Variants in BACH2 observed in about 807,000 individuals in gnomAD.
BACH2 encodes the protein BACH transcriptional regulator 2, also known as transcription regulator protein BACH2.
Under a neutral mutation model 61.8 loss-of-function variants are expected in BACH2, and 5 were observed. The ratio of observed to expected loss-of-function variants is 0.08; its 90% CI spans 0.04 to 0.17. BACH2 has a LOEUF of 0.17. Ranked by LOEUF, BACH2 falls within the 10% of genes least tolerant of loss-of-function variation. The pLI is 1.00. For synonymous variants in BACH2, 446 were observed against 440.1 expected (o/e 1.01, Z -0.17); for missense variants, 824 against 1,091.1 (o/e 0.76, Z 3.45).
intron 6 of BACH2, among the ~76,000 whole-genome samples, chr6:90,000,191 T>C (rs1332144393): frequency 6.6e-6 from 1 of 152,190 alleles, no homozygotes; most frequent in Non-Finnish European, 1.5e-5. Flanking sequence ...GTCACAATAG[T>C]ATTAGCTCCC....
intron 5 of BACH2, among the ~76,000 whole-genome samples, chr6:90,043,837 C>T (rs1779656074): frequency 6.6e-6 from 1 of 152,310 alleles, no homozygotes. Context: ...CTGGAGCTTT[C>T]CAGCCTCCCA....
At chr6:90,223,123 T>C (rs542855197) in intron 3 of BACH2, among the ~76,000 whole-genome samples, 2 of 152,216 alleles carry the variant, frequency 1.3e-5, no homozygotes, top group African/African-American at 2.4e-5. Context: ...CACCCTTCTA[T>C]AGAAGCAAAT....
chr6:90,149,030 C>A (rs1280216488), intron 4 of BACH2, among the ~76,000 whole-genome samples: 2 of 152,072 alleles, frequency 1.3e-5, no homozygotes, highest in Non-Finnish European at 2.9e-5. Context: ...GGCATCCCAG[C>A]AGGCAGAACA....
rs558433949 is a variant in BACH2 at position 89,929,772 on chromosome 6, T to C, written c.*2636A>G. ...GATGGAATGTGGTCAAGACTACCAG[T>C]TGCACATGAGTTGTTACCAGGGTAA... On this transcript the variant is annotated 3_prime_UTR_variant, in exon 9 of 9. Coordinates refer to ENST00000257749, the MANE Select transcript of BACH2 (RefSeq NM_021813.4). The C allele has an allele frequency of 3.9e-5, 6 of 152,394 alleles. No individual in the cohort carries two copies. Among genetic ancestry groups the C allele is most frequent in the South Asian group, 4.1e-4 (2 of 4,822 alleles). 9.4% of individuals were successfully genotyped at this position (152,394 alleles called of 1,614,324 possible). A position where few individuals can be genotyped will look rare whatever the true frequency, so the allele number is the denominator to read the frequency against.
chr6:89,951,222 C>T lies in BACH2; in HGVS notation c.884G>A (p.Gly295Glu). 1 of 1,614,120 alleles carries T rather than the reference C, an allele frequency of 6.2e-7. No individual in the cohort carries two copies. Among genetic ancestry groups the T allele is most frequent in the Non-Finnish European group, 8.5e-7 (1 of 1,180,038 alleles). ...TCTGTCCTTGGCGTCAGGCTCATCT[C>T]CAGACAGGCAGAGCGTGATGCTCTC... ...EEESITLCLSGDEPDAKDRAG... is the reference protein window; with the variant it reads ...EEESITLCLSEDEPDAKDRAG... Residue 295 changes from glycine (G) to glutamate (E), a missense_variant, in exon 7 of 9, where the codon GGA becomes GAA. Physicochemically the swap from Gly to Glu is moderately conservative, Grantham distance 98. Transcript: ENST00000257749. This position sits in a 1 kb window ranked among gnomAD's most constrained non-coding sequence, Gnocchi z 6.4.
Position 90,265,709 on chromosome 6 carries a change from T to C in BACH2, c.-353+6140A>G, listed in dbSNP as rs564961786. On this transcript the variant is annotated intron_variant, in intron 2 of 8. Transcript: ENST00000257749. ...GCAAGGTAAGGTACCTTTCTATCTA[T>C]AGTGAGTGTTGACTTACGTTGCAGG... Among the ~76,000 whole-genome samples, 7 of 152,296 alleles carry C rather than the reference T, an allele frequency of 4.6e-5. No homozygotes were observed. In the South Asian group the frequency reaches 1.0e-3, roughly 23 times the overall value.
intron 4 of BACH2, among the ~76,000 whole-genome samples, chr6:90,140,375 G>A (rs558632569): frequency 7.2e-5 from 11 of 152,160 alleles, no homozygotes; most frequent in African/African-American, 2.4e-4. Flanking sequence ...ATCTTCTGAG[G>A]CTGTATAATG....
chr6:90,027,593 A>G (rs945037292), intron 5 of BACH2, among the ~76,000 whole-genome samples: 1 of 152,214 alleles, frequency 6.6e-6, no homozygotes, highest in Admixed American at 6.5e-5. Flanking sequence ...GCCAGGTGGT[A>G]CCGGAGAGAC....
At chr6:90,277,016 T>C (rs1251735035) in intron 1 of BACH2, among the ~76,000 whole-genome samples, 1 of 152,186 alleles carries the variant, frequency 6.6e-6, no homozygotes, top group Non-Finnish European at 1.5e-5. Flanking sequence ...GCTGCCTTAG[T>C]ATTTATTTTG....
chr6:90,217,555 T>C (rs1419997491), intron 3 of BACH2, among the ~76,000 whole-genome samples: 1 of 152,194 alleles, frequency 6.6e-6, no homozygotes, highest in Non-Finnish European at 1.5e-5. Flanking sequence ...TTTTCAAATA[T>C]TCCCTCTCAT....
intron 1 of BACH2, among the ~76,000 whole-genome samples, chr6:90,281,733 TTTTA>T (rs1437056651): frequency 5.3e-5 from 8 of 152,212 alleles, no homozygotes; most frequent in African/African-American, 1.4e-4. Flanking sequence ...TTTGATGCAC[TTTTA>T]TTTGTTTAAC....
intron 3 of BACH2, among the ~76,000 whole-genome samples, chr6:90,230,359 A>G (rs542221237): frequency 8.6e-4 from 131 of 152,346 alleles, no homozygotes; most frequent in Admixed American, 1.4e-3. Flanking sequence ...CACATGCATC[A>G]TACCTATACA....
chr6:90,055,672 CA>C (rs372680636), intron 5 of BACH2, among the ~76,000 whole-genome samples: 14,257 of 142,258 alleles, frequency 0.1, 2,657 homozygotes, highest in African/African-American at 0.39. Context: ...ACGTAATTGT[CA>C]AGATTCACCA....
At chr6:90,279,762 A>G (rs143669090) in intron 1 of BACH2, among the ~76,000 whole-genome samples, 22 of 152,278 alleles carry the variant, frequency 1.4e-4, no homozygotes, top group Admixed American at 4.6e-4. Flanking sequence ...AGCATATTTT[A>G]TCTCTTATTT....
intron 5 of BACH2, among the ~76,000 whole-genome samples, chr6:90,052,081 T>C (rs1780072853): frequency 6.6e-6 from 1 of 152,200 alleles, no homozygotes; most frequent in Admixed American, 6.5e-5. Flanking sequence ...CTTGGAAATC[T>C]GTTGAGACTT....
chr6:90,254,798 T>TATC (rs1770924346), intron 2 of BACH2, among the ~76,000 whole-genome samples: 2 of 152,172 alleles, frequency 1.3e-5, no homozygotes, highest in African/African-American at 4.8e-5. Flanking sequence ...GTCAATTCAT[T>TATC]ATCATCCACT....
chr6:90,030,657 C>T (rs369941768), intron 5 of BACH2, among the ~76,000 whole-genome samples: 1 of 151,968 alleles, frequency 6.6e-6, no homozygotes, highest in South Asian at 2.1e-4. Flanking sequence ...AAACCAGGAA[C>T]AAGTTGAATC....
intron 5 of BACH2, among the ~76,000 whole-genome samples, chr6:90,066,203 G>C (rs1298809509): frequency 6.6e-6 from 1 of 152,138 alleles, no homozygotes; most frequent in Non-Finnish European, 1.5e-5. Flanking sequence ...CAGGTGGAGA[G>C]GAGAAAGAGC....
intron 4 of BACH2, among the ~76,000 whole-genome samples, chr6:90,138,199 A>G (rs1199689496): frequency 6.6e-6 from 1 of 152,212 alleles, no homozygotes; most frequent in Non-Finnish European, 1.5e-5. Context: ...GGACAGTGAG[A>G]GTCCATTTAA....
Sources: allele counts gnomAD v4.1 joint callset (sites outside exome capture counted in the v4.1 genomes callset), GRCh38; gene constraint gnomAD v4.1.1; non-coding constraint Gnocchi (gnomAD v3.1); transcripts MANE v1.5; gene names NCBI Gene and HGNC (gene_info 2026-07-23, HGNC 2026-07-21).